Variants in CACNA1A observed in about 807,000 individuals in gnomAD.
CACNA1A encodes the protein calcium voltage-gated channel subunit alpha1 A.
Under a neutral mutation model 262.4 loss-of-function variants are expected in CACNA1A, and 57 were observed. That is an observed-to-expected ratio of 0.22 (90% CI 0.18 to 0.27). The LOEUF (loss-of-function observed/expected upper bound fraction) is 0.27. Ranked by LOEUF, CACNA1A falls within the 10% of genes least tolerant of loss-of-function variation. CACNA1A has a pLI of 1.00. For missense variants in CACNA1A, 2,526 were observed against 3,562.8 expected, an observed-to-expected ratio of 0.71 and a Z score of 7.41; for synonymous variants, 1,431 against 1,419.3, an observed-to-expected ratio of 1.01 and a Z score of -0.18.
intron 3 of CACNA1A, among the ~76,000 whole-genome samples, chr19:13,404,851 T>G (rs1438182864): frequency 6.6e-6 from 1 of 151,760 alleles, no homozygotes; most frequent in African/African-American, 2.4e-5. Context: ...GGGCAAGGAG[T>G]GAGAGACTGT....
intron 5 of CACNA1A, chr19:13,362,328 T>C (rs1216844283): frequency 6.6e-6 from 1 of 152,100 alleles, no homozygotes; most frequent in African/African-American, 2.4e-5. Flanking sequence ...CTCTCAAGTA[T>C]GTGGTACTAC....
In CACNA1A at chr19:13,489,003, C is replaced by CTTTTTTTTTTT. The variant is rs896790084; in HGVS notation, c.293+16918_293+16928dup. 2.6e-3 allele frequency among the ~76,000 whole-genome samples: 199 copies of CTTTTTTTTTTT among 75,216 alleles called. 18 individuals carry two copies. The highest frequency in any genetic ancestry group is 6.4e-3 in the African/African-American group (88 of 13,784). 49.3% of individuals were successfully genotyped at this position (75,216 alleles called of 152,430 possible). On this transcript the variant is annotated intron_variant, in intron 1 of 46. Coordinates refer to ENST00000360228, the MANE Select transcript of CACNA1A (RefSeq NM_001127222.2). ...TATTGTAATTAATTTCTTTTCTTTTCTTTTTTTTTTTTTTTTTTTTTTTTT... is the reference window on the plus strand; with the variant it reads ...TATTGTAATTAATTTCTTTTCTTTTCTTTTTTTTTTTTTTTTTTTTTTTTTTTTTTTTTTTT...
At chr19:13,296,318 A>G (rs188906238) in intron 19 of CACNA1A, among the ~76,000 whole-genome samples, 19 of 152,350 alleles carry the variant, frequency 1.2e-4, no homozygotes, top group African/African-American at 4.1e-4. Context: ...TAAACCCATC[A>G]TTAAAAAAAT....
At chr19:13,232,261 A>G (rs1344367979) in intron 34 of CACNA1A, among the ~76,000 whole-genome samples, 2 of 149,866 alleles carry the variant, frequency 1.3e-5, no homozygotes, top group African/African-American at 4.9e-5. Flanking sequence ...TAGTGGCACA[A>G]TCACTGCTCA....
At chr19:13,368,717 C>A (rs1279629058) in intron 4 of CACNA1A, among the ~76,000 whole-genome samples, 1 of 152,104 alleles carries the variant, frequency 6.6e-6, no homozygotes. Context: ...GCTCGAGGGG[C>A]CATGCCACTC....
At chr19:13,380,465 G>A (rs1293379118) in intron 3 of CACNA1A, among the ~76,000 whole-genome samples, 1 of 150,658 alleles carries the variant, frequency 6.6e-6, no homozygotes, top group Non-Finnish European at 1.5e-5. Flanking sequence ...GGCCAACATG[G>A]CGAAACTCCA....
intron 6 of CACNA1A, among the ~76,000 whole-genome samples, chr19:13,347,233 A>T (rs1049176782): frequency 2.8e-5 from 4 of 145,444 alleles, no homozygotes; most frequent in African/African-American, 5.0e-5. Flanking sequence ...TAATTTTTAA[A>T]TTTTTTTTTT....
At chr19:13,231,886 T>A in intron 34 of CACNA1A, 26 bp from the exon 35 acceptor site, 1 of 1,603,828 alleles carries the variant, frequency 6.2e-7, no homozygotes, top group Non-Finnish European at 8.5e-7. Context: ...AATCAGAGAC[T>A]CGGACACCCA....
intron 1 of CACNA1A, among the ~76,000 whole-genome samples, chr19:13,497,418 G>A (rs1482747253): frequency 7.3e-6 from 1 of 137,582 alleles, no homozygotes; most frequent in Non-Finnish European, 1.5e-5. Context: ...AACCCGGGAG[G>A]CGGAGGTTGC....
At chr19:13,466,182 T>C (rs1254468512) in intron 1 of CACNA1A, among the ~76,000 whole-genome samples, 1 of 151,986 alleles carries the variant, frequency 6.6e-6, no homozygotes, top group Non-Finnish European at 1.5e-5. Context: ...TGCACCTGAT[T>C]TTTTTTAAAT....
chr19:13,488,390 C>CTTTTTTTTTT (rs34348281), intron 1 of CACNA1A, among the ~76,000 whole-genome samples: 2 of 77,634 alleles, frequency 2.6e-5, no homozygotes, highest in Non-Finnish European at 4.9e-5. Flanking sequence ...TTTTTCTTTT[C>CTTTTTTTTTT]TTTTTTTTTT....
intron 3 of CACNA1A, among the ~76,000 whole-genome samples, chr19:13,442,231 C>G (rs1289585740): frequency 1.3e-5 from 2 of 152,146 alleles, no homozygotes; most frequent in Admixed American, 1.3e-4. Flanking sequence ...GTAAAGGGTA[C>G]ACTAGTGAAT....
chr19:13,257,163 T>C lies in CACNA1A; in HGVS notation c.4590+187A>G, dbSNP rs2056593913. On this transcript the variant is annotated intron_variant, in intron 28 of 46. Transcript: ENST00000360228. ...AACCTAGTCTAAACTGACTGATACA[T>C]ACACTATATGATGTGTTTCCTCTGG... is the stretch of plus-strand genomic sequence containing the variant. The C allele has an allele frequency of 5.4e-6, 3 of 555,394 alleles. No homozygotes were observed. The East Asian group carries it at 8.9e-5, about 17-fold the overall frequency. 34.4% of individuals were successfully genotyped at this position (555,394 alleles called of 1,614,324 possible). A position where few individuals can be genotyped will look rare whatever the true frequency, so the allele number is the denominator to read the frequency against.
chr19:13,380,749 G>A (rs12971738), intron 3 of CACNA1A, among the ~76,000 whole-genome samples: 2,209 of 80,962 alleles, frequency 0.027, 25 homozygotes, highest in Middle Eastern at 0.038. Flanking sequence ...TTGTTTGTTT[G>A]TTTATTTATT....
intron 43 of CACNA1A, chr19:13,211,765 G>A (rs927584371): frequency 3.0e-5 from 9 of 302,804 alleles, no homozygotes; most frequent in African/African-American, 1.9e-4. Context: ...GTCTCAGCTG[G>A]CCCTGTTGAA....
intron 6 of CACNA1A, among the ~76,000 whole-genome samples, chr19:13,350,950 A>C (rs1461199407): frequency 6.6e-6 from 1 of 152,178 alleles, no homozygotes; most frequent in Admixed American, 6.5e-5. Context: ...GCAGTGAGCT[A>C]TGATTGCATC....
intron 19 of CACNA1A, among the ~76,000 whole-genome samples, chr19:13,297,046 G>A (rs1384205582): frequency 6.6e-6 from 1 of 152,160 alleles, no homozygotes; most frequent in Non-Finnish European, 1.5e-5. Context: ...AACTTCCAAA[G>A]AATAGCATTA....
intron 34 of CACNA1A, among the ~76,000 whole-genome samples, chr19:13,234,350 CAAAAAA>C (rs71168693): frequency 8.4e-5 from 6 of 71,240 alleles, no homozygotes; most frequent in South Asian, 6.5e-4. Context: ...ACTCCATCTC[CAAAAAA>C]AAAAAAAAAA....
Position 13,212,827 on chromosome 19 carries a change from TACACACAC to T in CACNA1A, c.5941-95_5941-88del, listed in dbSNP as rs61178346. On this transcript the variant is annotated intron_variant, in intron 40 of 46. Coordinates refer to ENST00000360228, the MANE Select transcript of CACNA1A (RefSeq NM_001127222.2). This position sits in a 1 kb window ranked among gnomAD's most constrained non-coding sequence, Gnocchi z 5.6. ...AGAAGGCATTGCGACATCCCCAGTA[TACACACAC>T]ACACACACACACACTCTCTCAGGTC... 6 of 518,330 alleles carry T rather than the reference TACACACAC, an allele frequency of 1.2e-5. No homozygotes were observed. Among genetic ancestry groups the T allele is most frequent in the South Asian group, 3.3e-5 (1 of 30,672 alleles). The allele number at this position is 518,330 out of a possible 1,614,324, so 32.1% of individuals were successfully genotyped here.
Sources: allele counts gnomAD v4.1 joint callset (sites outside exome capture counted in the v4.1 genomes callset), GRCh38; gene constraint gnomAD v4.1.1; non-coding constraint Gnocchi (gnomAD v3.1); transcripts MANE v1.5; gene names NCBI Gene and HGNC (gene_info 2026-07-23, HGNC 2026-07-21).